The following KCNN3 variants were observed in gnomAD, a reference collection of about 807,000 sequenced individuals.
KCNN3 encodes the protein small conductance calcium-activated potassium channel protein 3.
KCNN3 carries 16 observed loss-of-function variants against 62.9 expected under a neutral mutation model. The observed-to-expected ratio is 0.25, with a 90% confidence interval of 0.17 to 0.39. The LOEUF (loss-of-function observed/expected upper bound fraction) is 0.39. Among genes scored for constraint, KCNN3 ranks in the 10% least tolerant of loss-of-function variants. The pLI, the probability that KCNN3 is intolerant of heterozygous loss-of-function variation, is 1.00. For missense variants in KCNN3, 599 were observed against 949.4 expected, an observed-to-expected ratio of 0.63 and a Z score of 4.85; for synonymous variants, 370 against 389.2, an observed-to-expected ratio of 0.95 and a Z score of 0.58.
chr1:154,816,198 C>T (rs368179334), intron 2 of KCNN3, among the ~76,000 whole-genome samples: 3 of 152,166 alleles, frequency 2.0e-5, no homozygotes, highest in East Asian at 1.9e-4. Context: ...ACTACCGTTA[C>T]GTTTCTGTTG....
At chr1:154,793,505 T>C (rs1649603583) in intron 2 of KCNN3, among the ~76,000 whole-genome samples, 1 of 152,224 alleles carries the variant, frequency 6.6e-6, no homozygotes. Flanking sequence ...TTAAAAGTTA[T>C]AAACCACCTA....
chr1:154,786,513 T>C (rs1702182), intron 2 of KCNN3, among the ~76,000 whole-genome samples: 2,013 of 152,324 alleles, frequency 0.013, 44 homozygotes, highest in African/African-American at 0.046. Context: ...AAAATGTTCA[T>C]GATATATTGC....
chr1:154,846,596 C>T (rs187634574), intron 1 of KCNN3, among the ~76,000 whole-genome samples: 23 of 152,294 alleles, frequency 1.5e-4, no homozygotes, highest in Admixed American at 3.9e-4. Context: ...TTGTCTGCAC[C>T]GGGAGCCGAT....
In KCNN3 at chr1:154,772,696, T is replaced by G. The variant is rs552877025; in HGVS notation, c.1030-303A>C. 8.0e-4 allele frequency among the ~76,000 whole-genome samples: 122 copies of G among 152,336 alleles called. No individual in the cohort carries two copies. Among genetic ancestry groups the G allele is most frequent in the African/African-American group, 2.8e-3 (115 of 41,588 alleles). ...ATAATAAGAAATAATGTACTTGGTC[T>G]TTATCCTGGTTTAGGCACAGTTCCC... On this transcript the variant is annotated intron_variant, in intron 2 of 7. Transcript: ENST00000271915. This position sits in a 1 kb window ranked among gnomAD's most constrained non-coding sequence, Gnocchi z 5.6.
At chr1:154,724,117 T>C (rs1296587125) in intron 5 of KCNN3, among the ~76,000 whole-genome samples, 1 of 152,230 alleles carries the variant, frequency 6.6e-6, no homozygotes, top group Admixed American at 6.5e-5. Context: ...TAATGTCTGT[T>C]AAGGCTCTTT....
intron 1 of KCNN3, among the ~76,000 whole-genome samples, chr1:154,845,976 C>T (rs1571333146): frequency 6.6e-6 from 1 of 152,344 alleles, no homozygotes; most frequent in Admixed American, 6.5e-5. Flanking sequence ...TCCTTTCCTA[C>T]CCTTGTCAAG....
intron 1 of KCNN3, among the ~76,000 whole-genome samples, chr1:154,830,009 T>G (rs1207773299): frequency 6.6e-6 from 1 of 152,164 alleles, no homozygotes; most frequent in East Asian, 1.9e-4. Flanking sequence ...TGTTCACTCC[T>G]AGAGCCCCAT....
At chr1:154,847,445 AG>A (rs1652120623) in intron 1 of KCNN3, among the ~76,000 whole-genome samples, 1 of 152,222 alleles carries the variant, frequency 6.6e-6, no homozygotes, top group Non-Finnish European at 1.5e-5. Flanking sequence ...AAGCAAAGCC[AG>A]AGGCTGGGCT....
chr1:154,751,054 G>A (rs1647353879), intron 3 of KCNN3, among the ~76,000 whole-genome samples: 1 of 152,160 alleles, frequency 6.6e-6, no homozygotes, highest in Admixed American at 6.5e-5. Context: ...TGGGCATCTG[G>A]TGCACTTCTC....
intron 2 of KCNN3, among the ~76,000 whole-genome samples, chr1:154,785,875 A>T (rs1042485736): frequency 6.6e-6 from 1 of 152,104 alleles, no homozygotes; most frequent in Non-Finnish European, 1.5e-5. Flanking sequence ...TGCTGGGATT[A>T]CAGGCATGAG....
At chr1:154,716,464 A>G (rs1159475992) in intron 5 of KCNN3, among the ~76,000 whole-genome samples, 1 of 152,236 alleles carries the variant, frequency 6.6e-6, no homozygotes, top group African/African-American at 2.4e-5. Context: ...AACAGATGGG[A>G]TGTTGTTAAA....
At chr1:154,760,138 G>C (rs1025649859) in intron 3 of KCNN3, among the ~76,000 whole-genome samples, 1 of 151,782 alleles carries the variant, frequency 6.6e-6, no homozygotes, top group Non-Finnish European at 1.5e-5. Flanking sequence ...TCAGTCTCCC[G>C]AGTAGCTGGG....
chr1:154,798,916 AT>A (rs56240234), intron 2 of KCNN3, among the ~76,000 whole-genome samples: 15,998 of 130,992 alleles, frequency 0.12, 613 homozygotes, highest in Middle Eastern at 0.17. Flanking sequence ...CACTTATTGC[AT>A]TTTTTTTTTT....
At chr1:154,709,184 C>T (rs528257673) in intron 7 of KCNN3, among the ~76,000 whole-genome samples, 3 of 152,142 alleles carry the variant, frequency 2.0e-5, no homozygotes, top group Non-Finnish European at 4.4e-5. Context: ...TGTTGGTCTG[C>T]AGAGTCCCAG....
intron 2 of KCNN3, among the ~76,000 whole-genome samples, chr1:154,780,297 G>A (rs965944911): frequency 2.2e-4 from 25 of 116,104 alleles, no homozygotes; most frequent in African/African-American, 8.3e-4. Flanking sequence ...AGACCTTTCT[G>A]ATTTTTTATT....
At chr1:154,861,789 T>C (rs1652782644) in intron 1 of KCNN3, among the ~76,000 whole-genome samples, 1 of 152,128 alleles carries the variant, frequency 6.6e-6, no homozygotes, top group Admixed American at 6.5e-5. Context: ...CTCATCCTCG[T>C]GATGAAACAT....
At chr1:154,805,861 T>C (rs1650154283) in intron 2 of KCNN3, among the ~76,000 whole-genome samples, 1 of 152,174 alleles carries the variant, frequency 6.6e-6, no homozygotes, top group Non-Finnish European at 1.5e-5. Context: ...GACTATGTTA[T>C]AAGCAGGAAT....
At chr1:154,743,013 C>A (rs1700857850) in intron 3 of KCNN3, among the ~76,000 whole-genome samples, 1 of 152,170 alleles carries the variant, frequency 6.6e-6, no homozygotes, top group Non-Finnish European at 1.5e-5. Flanking sequence ...GCAGCTTAAA[C>A]CCCTTATCTC....
chr1:154,811,255 G>A (rs1031394193), intron 2 of KCNN3, among the ~76,000 whole-genome samples: 2 of 152,162 alleles, frequency 1.3e-5, no homozygotes, highest in African/African-American at 4.8e-5. Flanking sequence ...GATGTGCGAA[G>A]AGAGCTCACC....
Sources: gnomAD v4.1 joint callset for allele counts (sites outside exome capture counted in the v4.1 genomes callset) on GRCh38, gnomAD v4.1.1 for gene constraint, Gnocchi (gnomAD v3.1) non-coding constraint, MANE v1.5 for transcripts, NCBI Gene and HGNC (gene_info 2026-07-23, HGNC 2026-07-21) for gene names.